The following EIF4E variants were observed in gnomAD, a reference collection of about 807,000 sequenced individuals.
EIF4E encodes the protein eukaryotic translation initiation factor 4E, also known as eIF-4F 25 kDa subunit.
For synonymous variants in EIF4E, 71 were observed against 88.5 expected (o/e 0.80, Z 1.11); for missense variants, 113 against 265.6 (o/e 0.43, Z 3.99).
intron 1 of EIF4E, among the ~76,000 whole-genome samples, chr4:98,915,212 A>C (rs1725326353): frequency 6.6e-6 from 1 of 152,090 alleles, no homozygotes; most frequent in South Asian, 2.1e-4. Flanking sequence ...CAGCCTCCCA[A>C]AGTGCTTCAG....
intron 1 of EIF4E, 108 bp downstream of exon 1, chr4:98,928,987 G>T (rs758467158): frequency 6.4e-7 from 1 of 1,572,666 alleles, no homozygotes; most frequent in Non-Finnish European, 8.6e-7. Flanking sequence ...GGGAAGGGGC[G>T]GCAAGGGGTA....
chr4:98,889,791 T>C (rs1416836506), intron 3 of EIF4E, among the ~76,000 whole-genome samples: 1 of 152,052 alleles, frequency 6.6e-6, no homozygotes, highest in African/African-American at 2.4e-5. Flanking sequence ...TTGGGGAAGG[T>C]GGCTCAAGGC....
intron 3 of EIF4E, among the ~76,000 whole-genome samples, chr4:98,889,772 C>CA (rs1440106485): frequency 1.3e-5 from 2 of 152,026 alleles, no homozygotes; most frequent in Non-Finnish European, 2.9e-5. Context: ...TAGATAAATG[C>CA]AAATCTGATT....
Position 98,929,130 on chromosome 4 carries a change from G to A in EIF4E, c.-18C>T, listed in dbSNP as rs755922330. 4 of 1,563,854 alleles carry A rather than the reference G, an allele frequency of 2.6e-6. No individual in the cohort carries two copies. Among genetic ancestry groups the A allele is most frequent in the Admixed American group, 1.9e-5 (1 of 53,444 alleles). ...GTCGCCATCTTAGATCGATCTGATC[G>A]CACAACCGCTCCAGAAGGGGGGGTA... On this transcript the variant is annotated 5_prime_UTR_variant, in exon 1 of 7. Coordinates refer to ENST00000450253, the MANE Select transcript of EIF4E (RefSeq NM_001968.5).
chr4:98,915,612 C>T (rs1725344490), intron 1 of EIF4E, among the ~76,000 whole-genome samples: 1 of 151,280 alleles, frequency 6.6e-6, no homozygotes, highest in East Asian at 2.0e-4. Context: ...GTGATCTTGG[C>T]TCACTGCAAC....
chr4:98,882,925 A>G (rs528872138), intron 6 of EIF4E, among the ~76,000 whole-genome samples: 2 of 152,174 alleles, frequency 1.3e-5, no homozygotes, highest in African/African-American at 2.4e-5. Flanking sequence ...CTCTTATGGA[A>G]CCCCATATAG....
At chr4:98,889,692 G>T (rs1724071135) in intron 3 of EIF4E, among the ~76,000 whole-genome samples, 1 of 152,184 alleles carries the variant, frequency 6.6e-6, no homozygotes, top group South Asian at 2.1e-4. Context: ...TTGACTACAT[G>T]TAACTGAAGC....
At chr4:98,900,253 A>G (rs1216165312) in intron 2 of EIF4E, among the ~76,000 whole-genome samples, 1 of 152,182 alleles carries the variant, frequency 6.6e-6, no homozygotes, top group East Asian at 1.9e-4. Flanking sequence ...TACATGTGGT[A>G]CATTGCTTCC....
At chr4:98,904,941 CA>C (rs1397085438) in intron 1 of EIF4E, among the ~76,000 whole-genome samples, 1 of 150,812 alleles carries the variant, frequency 6.6e-6, no homozygotes, top group Non-Finnish European at 1.5e-5. Context: ...TGTGAAATAC[CA>C]TAAAAATTTT....
At chr4:98,906,523 T>A (rs1579169987) in intron 1 of EIF4E, among the ~76,000 whole-genome samples, 1 of 151,992 alleles carries the variant, frequency 6.6e-6, no homozygotes, top group Non-Finnish European at 1.5e-5. Context: ...TAGAAATTTT[T>A]AAAAAAAGGC....
chr4:98,929,095 C>A lies in EIF4E; in HGVS notation c.18G>T (p.Pro6=), dbSNP rs531350186. The A allele has an allele frequency of 2.9e-5, 46 of 1,581,450 alleles. No individual in the cohort carries two copies. The highest frequency in any genetic ancestry group is 3.4e-5 in the Non-Finnish European group (39 of 1,163,612). Residue 6 remains proline (P), a splice_region_variant and synonymous_variant, in exon 1 of 7, where the codon CCG becomes CCT. Coordinates refer to ENST00000450253, the MANE Select transcript of EIF4E (RefSeq NM_001968.5). Reference sequence around the variant, plus strand: ...GGTGGGGGCCAAAGGCAATACTCACCGGTTCGACAGTCGCCATCTTAGATC... The same window carrying A: ...GGTGGGGGCCAAAGGCAATACTCACAGGTTCGACAGTCGCCATCTTAGATC... MATVE[P]ETTPTPNPPT...
At position 98,880,925 on chromosome 4, in the gene EIF4E, A is replaced by C; in HGVS notation, c.*103T>G. On this transcript the variant is annotated 3_prime_UTR_variant, in exon 7 of 7. Coordinates refer to ENST00000450253, the MANE Select transcript of EIF4E (RefSeq NM_001968.5). ...TGAGTAACATTAAGATGGAAATCAA[A>C]TTTAAATGCAGTCCACTCTGCTTTT... 3 of 1,533,274 alleles carry C rather than the reference A, an allele frequency of 2.0e-6. No individual in the cohort carries two copies. Among genetic ancestry groups the C allele is most frequent in the Non-Finnish European group, 2.6e-6 (3 of 1,134,056 alleles). The allele number at this position is 1,533,274 out of a possible 1,614,324, so 95.0% of individuals were successfully genotyped here.
At chr4:98,891,420 A>T (rs1560636589) in intron 2 of EIF4E, 88 bp from the exon 3 acceptor site, 1 of 1,114,538 alleles carries the variant, frequency 9.0e-7, no homozygotes, top group Non-Finnish European at 1.3e-6. Flanking sequence ...AGGTAGAAGC[A>T]ACCCACCTGT....
chr4:98,915,342 A>G (rs1397578486), intron 1 of EIF4E, among the ~76,000 whole-genome samples: 1 of 152,136 alleles, frequency 6.6e-6, no homozygotes, highest in African/African-American at 2.4e-5. Context: ...AAACAAGTGA[A>G]CCAAAATATT....
At chr4:98,916,722 TC>T (rs1725395981) in intron 1 of EIF4E, among the ~76,000 whole-genome samples, 2 of 152,320 alleles carry the variant, frequency 1.3e-5, no homozygotes, top group South Asian at 4.1e-4. Context: ...GACTTCAGAA[TC>T]CTGAAGAATT....
At chr4:98,881,279 C>T (rs1051479041) in intron 6 of EIF4E, 137 bp from the exon 7 acceptor site, 6 of 1,423,248 alleles carry the variant, frequency 4.2e-6, no homozygotes, top group Admixed American at 2.8e-5. Context: ...ATTAATTATA[C>T]ACCCTTTTCC....
intron 1 of EIF4E, among the ~76,000 whole-genome samples, chr4:98,927,377 C>G (rs1372564516): frequency 1.3e-5 from 2 of 152,010 alleles, no homozygotes; most frequent in Non-Finnish European, 2.9e-5. Context: ...TTAAAAGTGC[C>G]GGGTGCTGTG....
chr4:98,883,868 T>C (rs1723803301), intron 6 of EIF4E, among the ~76,000 whole-genome samples: 1 of 151,850 alleles, frequency 6.6e-6, no homozygotes, highest in Non-Finnish European at 1.5e-5. Flanking sequence ...CAAAACCTCT[T>C]CTCTACAAAA....
chr4:98,924,294 G>A (rs576936679), intron 1 of EIF4E, among the ~76,000 whole-genome samples: 2 of 152,136 alleles, frequency 1.3e-5, no homozygotes, highest in Admixed American at 6.5e-5. Context: ...GATCAGGCTG[G>A]TCTCAAACTA....
Sources: gnomAD v4.1 joint callset for allele counts (sites outside exome capture counted in the v4.1 genomes callset) on GRCh38, gnomAD v4.1.1 for gene constraint, MANE v1.5 for transcripts, NCBI Gene and HGNC (gene_info 2026-07-23, HGNC 2026-07-21) for gene names.